Variants in SEL1L2 observed in about 807,000 individuals in gnomAD.
The protein encoded by SEL1L2 is SEL1L2 adaptor subunit of SYVN1 ubiquitin ligase.
Under a neutral mutation model 98.8 loss-of-function variants are expected in SEL1L2, and 89 were observed. The observed-to-expected ratio is 0.90, with a 90% CI of 0.76 to 1.07. SEL1L2 has a LOEUF of 1.07. SEL1L2 is among the 50% of genes least tolerant of loss of function. The pLI is 0.00. For synonymous variants in SEL1L2, 262 were observed against 278.5 expected (o/e 0.94, Z 0.59); for missense variants, 788 against 812.0 (o/e 0.97, Z 0.36).
chr20:13,901,272 G>C (rs978583240), intron 5 of SEL1L2, among the ~76,000 whole-genome samples: 2 of 151,612 alleles, frequency 1.3e-5, no homozygotes, highest in African/African-American at 4.8e-5. Flanking sequence ...GGGTTTCACC[G>C]TGTTAGCCAG....
At chr20:13,991,496 A>C (rs922306259), upstream of SEL1L2, among the ~76,000 whole-genome samples, 1 of 152,242 alleles carries the variant, frequency 6.6e-6, no homozygotes, top group African/African-American at 2.4e-5. Context: ...GCTCCAGGGA[A>C]GAATCCATTC....
intron 4 of SEL1L2, among the ~76,000 whole-genome samples, chr20:13,916,704 G>A (rs1416773418): frequency 1.3e-5 from 2 of 152,164 alleles, no homozygotes; most frequent in Non-Finnish European, 2.9e-5. Flanking sequence ...TACTTGGGAA[G>A]CTGAGGCAGG....
At chr20:13,921,912 A>C (rs1206152081) in intron 3 of SEL1L2, among the ~76,000 whole-genome samples, 1 of 152,104 alleles carries the variant, frequency 6.6e-6, no homozygotes, top group Non-Finnish European at 1.5e-5. Flanking sequence ...CTCAGTGCCT[A>C]CATCACCTCA....
intron 2 of SEL1L2, among the ~76,000 whole-genome samples, chr20:13,955,551 A>G (rs1010576953): frequency 6.6e-6 from 1 of 152,210 alleles, no homozygotes; most frequent in Non-Finnish European, 1.5e-5. Context: ...ATAGAGCCTA[A>G]TAAGCAAGCC....
At chr20:13,988,302 C>T (rs943027479) in intron 1 of SEL1L2, among the ~76,000 whole-genome samples, 16 of 152,028 alleles carry the variant, frequency 1.1e-4, no homozygotes, top group Admixed American at 7.9e-4. Flanking sequence ...CCTCCCAAAG[C>T]GCTGGGATTA....
intron 2 of SEL1L2, among the ~76,000 whole-genome samples, chr20:13,937,766 GCTGC>G (rs2148352330): frequency 6.6e-6 from 1 of 152,278 alleles, no homozygotes; most frequent in African/African-American, 2.4e-5. Context: ...TGTAAAATAG[GCTGC>G]CTTGAATCAA....
intron 2 of SEL1L2, among the ~76,000 whole-genome samples, chr20:13,951,902 G>T (rs555580000): frequency 6.6e-6 from 1 of 151,920 alleles, no homozygotes; most frequent in Non-Finnish European, 1.5e-5. Context: ...AAGAACAAAA[G>T]GGATGGGTAA....
In SEL1L2 at chr20:13,935,946, TG is replaced by T. The variant is rs532380555; in HGVS notation, c.115-4176del. On this transcript the variant is annotated intron_variant, in intron 2 of 19. Coordinates refer to ENST00000284951, the MANE Select transcript of SEL1L2 (RefSeq NM_025229.2). Reference sequence around the variant, plus strand: ...TCTGGAGATATTCCGGAAACATTGCTGACAAGATTTTCTGTTGAAGGGCTTA... The same window carrying T: ...TCTGGAGATATTCCGGAAACATTGCTACAAGATTTTCTGTTGAAGGGCTTA... Among the ~76,000 whole-genome samples the T allele has an allele frequency of 1.4e-4, 21 of 152,310 alleles. No individual in the cohort carries two copies. In the East Asian group the frequency reaches 4.0e-3, roughly 29 times the overall value.
rs555279418 is a variant in SEL1L2, at chr20:13,956,790, A to G, written c.59-659T>C. On this transcript the variant is annotated intron_variant, in intron 1 of 19. Coordinates refer to ENST00000284951, the MANE Select transcript of SEL1L2 (RefSeq NM_025229.2). ...AATTTCTTCACTTTCTTAGAGAAAC[A>G]AGTCGGAAAACGTGAGATGACAGGA... Among the ~76,000 whole-genome samples the G allele has an allele frequency of 2.2e-3, 339 of 152,222 alleles. 2 individuals are homozygous for G. The highest frequency in any genetic ancestry group is 8.0e-3 in the African/African-American group (332 of 41,544).
At chr20:13,888,569 A>T in intron 5 of SEL1L2, 57 bp from the exon 6 acceptor site, 1 of 881,380 alleles carries the variant, frequency 1.1e-6, no homozygotes, top group Non-Finnish European at 1.8e-6. Context: ...CTAATTATCT[A>T]TATGGATAAG....
At chr20:13,919,760 T>G (rs1047344030) in intron 3 of SEL1L2, among the ~76,000 whole-genome samples, 8 of 151,902 alleles carry the variant, frequency 5.3e-5, no homozygotes, top group African/African-American at 1.7e-4. Flanking sequence ...ACCCTGTCTC[T>G]ACTGAAAATA....
chr20:13,901,514 G>A (rs548613819), intron 5 of SEL1L2, among the ~76,000 whole-genome samples: 3 of 152,170 alleles, frequency 2.0e-5, no homozygotes, highest in Admixed American at 6.5e-5. Context: ...CTATTAATTA[G>A]GAGACTTGTA....
At chr20:13,887,884 A>G in intron 7 of SEL1L2, 34 bp from the exon 8 acceptor site, 1 of 1,605,060 alleles carries the variant, frequency 6.2e-7, no homozygotes, top group Non-Finnish European at 8.5e-7. Context: ...TTAATATTCA[A>G]GACAATGCTG....
intron 1 of SEL1L2, among the ~76,000 whole-genome samples, chr20:13,975,389 G>A (rs897859830): frequency 6.6e-6 from 1 of 152,120 alleles, no homozygotes; most frequent in African/African-American, 2.4e-5. Flanking sequence ...CAAACAGCCT[G>A]AGGCAAGTAA....
chr20:13,890,423 T>C (rs1357988909), intron 5 of SEL1L2, among the ~76,000 whole-genome samples: 3 of 151,860 alleles, frequency 2.0e-5, no homozygotes, highest in Non-Finnish European at 4.4e-5. Flanking sequence ...ACCACTCTAA[T>C]TGGGAAATAA....
chr20:13,867,581 A>G (rs1385331438), intron 14 of SEL1L2, among the ~76,000 whole-genome samples: 1 of 152,066 alleles, frequency 6.6e-6, no homozygotes, highest in African/African-American at 2.4e-5. Flanking sequence ...CAGCTCCACA[A>G]CTGTGTGATC....
intron 1 of SEL1L2, among the ~76,000 whole-genome samples, chr20:13,976,534 G>T (rs2051547424): frequency 6.6e-6 from 1 of 152,144 alleles, no homozygotes; most frequent in South Asian, 2.1e-4. Context: ...TGAATTGGTT[G>T]AAATAAAATA....
chr20:13,963,032 C>G (rs1780638226), intron 1 of SEL1L2, among the ~76,000 whole-genome samples: 1 of 150,070 alleles, frequency 6.7e-6, no homozygotes, highest in South Asian at 2.1e-4. Flanking sequence ...CGCCACTGCA[C>G]TCCAGCCTAG....
chr20:13,870,940 A>G (rs895118153), intron 12 of SEL1L2, among the ~76,000 whole-genome samples: 10 of 151,560 alleles, frequency 6.6e-5, no homozygotes, highest in East Asian at 5.8e-4. Context: ...AAAAAAAAAA[A>G]AAAAGAAATA....
Sources: allele counts gnomAD v4.1 joint callset (sites outside exome capture counted in the v4.1 genomes callset), GRCh38; gene constraint gnomAD v4.1.1; transcripts MANE v1.5; gene names NCBI Gene and HGNC (gene_info 2026-07-23, HGNC 2026-07-21).